Variants in ERN1 observed in about 807,000 individuals in gnomAD.
ERN1 encodes serine/threonine-protein kinase/endoribonuclease IRE1.
ERN1 carries 39 observed loss-of-function variants against 113.1 expected under a neutral mutation model. The observed-to-expected ratio is 0.34, with a 90% CI of 0.27 to 0.45. The LOEUF is 0.45. ERN1 is among the 20% of genes least tolerant of loss of function. The probability of loss-of-function intolerance (pLI) is 1.00; values close to 1 mark genes in which losing one functional copy is unlikely to be tolerated. For missense variants in ERN1, 976 were observed against 1,274.8 expected, an observed-to-expected ratio of 0.77 and a Z score of 3.57; for synonymous variants, 507 against 515.9, an observed-to-expected ratio of 0.98 and a Z score of 0.23.
Position 64,126,941 on chromosome 17 carries a change from C to T in ERN1, c.54+3035G>A, listed in dbSNP as rs77838142. Among the ~76,000 whole-genome samples, 909 of 152,124 alleles carry T rather than the reference C, an allele frequency of 6.0e-3. 9 individuals carry two copies. The highest frequency in any genetic ancestry group is 0.021 in the African/African-American group (860 of 41,500). On this transcript the variant is annotated intron_variant, in intron 1 of 21. Transcript: ENST00000433197. ...AGCTTTTAAAAAAAAAGGTACTTTG[C>T]CTCACATTGTACTGATCTCTTTGGT...
intron 1 of ERN1, among the ~76,000 whole-genome samples, chr17:64,113,836 C>T (rs1914736126): frequency 6.6e-6 from 1 of 152,120 alleles, no homozygotes; most frequent in African/African-American, 2.4e-5. Context: ...GCGCCCACCA[C>T]CATGCCCGGC....
At chr17:64,083,947 A>C (rs1913845506) in intron 2 of ERN1, among the ~76,000 whole-genome samples, 2 of 152,160 alleles carry the variant, frequency 1.3e-5, no homozygotes, top group Admixed American at 1.3e-4. Flanking sequence ...AAAAGCAGTG[A>C]ATTTTTGTCC....
chr17:64,048,495 T>C (rs1912582802), intron 18 of ERN1, among the ~76,000 whole-genome samples: 1 of 152,148 alleles, frequency 6.6e-6, no homozygotes, highest in African/African-American at 2.4e-5. Context: ...TAAGAAAAAT[T>C]AAGCATAAAC....
At position 64,063,903 on chromosome 17, in the gene ERN1, C is replaced by T. The variant is rs1217779827; in HGVS notation, c.1087+83G>A. On this transcript the variant is annotated intron_variant, in intron 10 of 21. Transcript: ENST00000433197. The surrounding 1 kb of genome is among the most constrained non-coding windows in gnomAD (Gnocchi z 5.1). ...AGCACAAGGCCTTCCGAGCTCAGTACGGTGTAACTACCAGGGCCGGCGGTC... is the reference window on the plus strand; with the variant it reads ...AGCACAAGGCCTTCCGAGCTCAGTATGGTGTAACTACCAGGGCCGGCGGTC... 1.3e-5 allele frequency: 18 copies of T among 1,355,902 alleles called. No individual in the cohort carries two copies. Among genetic ancestry groups the T allele is most frequent in the Admixed American group, 1.9e-5 (1 of 53,570 alleles). The allele number at this position is 1,355,902 out of a possible 1,614,324, so 84.0% of individuals were successfully genotyped here.
At position 64,054,271 on chromosome 17, in the gene ERN1, C is replaced by G; in HGVS notation, c.1932G>C (p.Leu644=). Residue 644 remains leucine, a synonymous_variant, in exon 15 of 22, where the codon CTG becomes CTC. Coordinates refer to ENST00000433197, the MANE Select transcript of ERN1 (RefSeq NM_001433.5). This position sits in a 1 kb window ranked among gnomAD's most constrained non-coding sequence, Gnocchi z 4.9. ...DRQFQYIAIE[L]CAATLQEYVE... is the part of the protein sequence containing the mutation. ...CCACCTCTTGCAGGGTGGCTGCACA[C>G]AGCTCGATGGCAATGTACTGGAATT... 6.2e-7 allele frequency: 1 copy of G among 1,613,370 alleles called. No homozygotes were observed. The highest frequency in any genetic ancestry group is 8.5e-7 in the Non-Finnish European group (1 of 1,179,480).
chr17:64,057,513 C>G (rs2143348830), intron 12 of ERN1, among the ~76,000 whole-genome samples: 1 of 152,262 alleles, frequency 6.6e-6, no homozygotes, highest in East Asian at 1.9e-4. Context: ...GGACTACAGG[C>G]CCCTGCCACC....
chr17:64,039,228 A>G lies in ERN1; in HGVS notation c.*4760T>C, dbSNP rs1320518959. On this transcript the variant is annotated 3_prime_UTR_variant, in exon 22 of 22. Transcript: ENST00000433197. The stretch of plus-strand genomic sequence containing the variant: ...ATTATAAAACTGTACAGGAGGCACA[A>G]AAATAGGCTGTTTAACTTAGATAAT... The G allele has an allele frequency of 1.3e-5, 2 of 152,224 alleles. No individual in the cohort carries two copies. Among genetic ancestry groups the G allele is most frequent in the Admixed American group, 1.3e-4 (2 of 15,276 alleles). 9.4% of individuals were successfully genotyped at this position (152,224 alleles called of 1,614,324 possible). A position where few individuals can be genotyped will look rare whatever the true frequency, so the allele number is the denominator to read the frequency against.
At chr17:64,128,660 C>A (rs1245487240) in intron 1 of ERN1, 4 of 152,046 alleles carry the variant, frequency 2.6e-5, no homozygotes, top group African/African-American at 9.7e-5. Context: ...GCAGTAGTTA[C>A]CAATCCAAGG....
chr17:64,106,261 G>A (rs1393579436), intron 1 of ERN1, among the ~76,000 whole-genome samples: 1 of 152,284 alleles, frequency 6.6e-6, no homozygotes, highest in South Asian at 2.1e-4. Context: ...AGTGAGAGAA[G>A]GATTATATAA....
In ERN1 at chr17:64,042,495, T is replaced by A. The variant is rs1323808539; in HGVS notation, c.*1493A>T. On this transcript the variant is annotated 3_prime_UTR_variant, in exon 22 of 22. Coordinates refer to ENST00000433197, the MANE Select transcript of ERN1 (RefSeq NM_001433.5). The stretch of plus-strand genomic sequence containing the variant: ...GAGTAAAATTCAACAATCCCATTCT[T>A]AATACTGAATGGAATCTCTGAGTTC... The A allele has an allele frequency of 2.0e-5, 3 of 152,194 alleles. No individual in the cohort carries two copies. Among genetic ancestry groups the A allele is most frequent in the Admixed American group, 6.5e-5 (1 of 15,286 alleles). The allele number at this position is 152,194 out of a possible 1,614,324, so 9.4% of individuals were successfully genotyped here. A position where few individuals can be genotyped will look rare whatever the true frequency, so the allele number is the denominator to read the frequency against.
chr17:64,098,624 T>A, intron 1 of ERN1: 1 of 525,726 alleles, frequency 1.9e-6, no homozygotes, highest in South Asian at 1.4e-5. Flanking sequence ...AGAATGCCAA[T>A]ACCCACGCAT....
chr17:64,098,316 A>C, intron 1 of ERN1, 75 bp from the exon 2 acceptor site: 1 of 1,550,684 alleles, frequency 6.4e-7, no homozygotes. Flanking sequence ...CAGACCCCCC[A>C]CTCCCAAGGT....
intron 12 of ERN1, among the ~76,000 whole-genome samples, chr17:64,056,400 C>T (rs946257646): frequency 6.6e-6 from 1 of 152,180 alleles, no homozygotes; most frequent in Non-Finnish European, 1.5e-5. Flanking sequence ...GGCTAGCGCA[C>T]AGACACTCAG....
chr17:64,049,098 G>C lies in ERN1; in HGVS notation c.2358C>G (p.Leu786=), dbSNP rs61736508. Residue 786 remains leucine (L), a synonymous_variant, in exon 18 of 22, where the codon CTC becomes CTG. Transcript: ENST00000433197. This position sits in a 1 kb window ranked among gnomAD's most constrained non-coding sequence, Gnocchi z 4.7. ...AGCAGTCAAGGCTGCAGGCACCCAG[G>C]AGGATGTTGGCCTGCCGCTGCAGGG... The part of the protein sequence containing the change: ...GKSLQRQANI[L]LGACSLDCLH... 1 of 1,608,044 alleles carries C rather than the reference G, an allele frequency of 6.2e-7. No individual in the cohort carries two copies.
chr17:64,046,379 G>A (rs1248311216), intron 19 of ERN1, among the ~76,000 whole-genome samples: 2 of 152,184 alleles, frequency 1.3e-5, no homozygotes, highest in African/African-American at 2.4e-5. Flanking sequence ...ATGACCTGGA[G>A]ATACTAAGCA....
intron 17 of ERN1, among the ~76,000 whole-genome samples, chr17:64,050,302 C>A (rs546153998): frequency 6.6e-6 from 1 of 152,286 alleles, no homozygotes; most frequent in Non-Finnish European, 1.5e-5. Flanking sequence ...TCACGCCCCC[C>A]ACACTCTCTG....
chr17:64,086,632 C>A (rs371618662), intron 2 of ERN1, among the ~76,000 whole-genome samples: 2 of 66,846 alleles, frequency 3.0e-5, no homozygotes. Flanking sequence ...TTTTTCTTTT[C>A]TTTCCTTTTT....
rs1912850995 is a variant in ERN1, at chr17:64,055,864, G to C, written c.1483C>G (p.Gln495Glu). The C allele has an allele frequency of 3.5e-5, 54 of 1,550,954 alleles. No individual in the cohort carries two copies. The highest frequency in any genetic ancestry group is 4.5e-5 in the Non-Finnish European group (52 of 1,146,904). Residue 495 changes from glutamine to glutamate, a missense_variant, in exon 13 of 22, where the codon CAG (glutamine) becomes GAG (glutamate). This residue lies in a region of ERN1 where 112 missense variants were observed against 106.2 expected (regional missense o/e 1.05). Transcript: ENST00000433197. ...KIQLLQQQQQ[Q>E]LPFHPPGDTA... is the part of the protein sequence containing the mutation. ...TCTCCAGGTGGGTGGAAGGGCAGCTGCTGCTGCTGCTGCTGCAGGAGCTGG... is the reference window on the plus strand; with the variant it reads ...TCTCCAGGTGGGTGGAAGGGCAGCTCCTGCTGCTGCTGCTGCAGGAGCTGG...
At chr17:64,056,048 C>A in intron 12 of ERN1, 100 bp from the exon 13 acceptor site, 1 of 1,444,118 alleles carries the variant, frequency 6.9e-7, no homozygotes, top group Non-Finnish European at 9.1e-7. Context: ...AGCATGTGTA[C>A]TTTATGTGAC....
Sources: gnomAD v4.1 joint callset for allele counts (sites outside exome capture counted in the v4.1 genomes callset) on GRCh38, gnomAD v4.1.1 for gene constraint, gnomAD v4.1.1 regional missense constraint, Gnocchi (gnomAD v3.1) non-coding constraint, MANE v1.5 for transcripts, NCBI Gene and HGNC (gene_info 2026-07-23, HGNC 2026-07-21) for gene names.